The following PRUNE2 variants were observed in gnomAD, a reference collection of about 807,000 sequenced individuals.
PRUNE2 encodes protein prune homolog 2.
In PRUNE2, 164 loss-of-function variants were observed where a neutral mutation model predicts 252.0. The observed-to-expected ratio is 0.65, with a 90% CI of 0.57 to 0.74. The LOEUF is 0.74. Among genes scored for constraint, PRUNE2 ranks in the 30% least tolerant of loss-of-function variants. The probability of loss-of-function intolerance (pLI) is 0.00; values close to 1 mark genes in which losing one functional copy is unlikely to be tolerated. For synonymous variants in PRUNE2, 1,292 were observed against 1,350.2 expected (o/e 0.96, Z 0.94); for missense variants, 3,495 against 3,711.0 (o/e 0.94, Z 1.51).
At chr9:76,832,058 A>G (rs1041914376) in intron 4 of PRUNE2, among the ~76,000 whole-genome samples, 4 of 152,206 alleles carry the variant, frequency 2.6e-5, no homozygotes, top group African/African-American at 7.2e-5. Flanking sequence ...AATCCTCTGG[A>G]AGATACATCA....
Position 76,710,891 on chromosome 9 carries a change from G to T in PRUNE2, c.1383C>A (p.Thr461=). 1 of 1,546,220 alleles carries T rather than the reference G, an allele frequency of 6.5e-7. No individual in the cohort carries two copies. The stretch of plus-strand genomic sequence containing the variant: ...TGTAGGAGTCAAGCCCTGGGAGAAG[G>T]GTGTGGTGAGGCCCAGCACCTTCTC... ...PVGEGAGPHH[T]LLPGLDSYSP... Residue 461 remains threonine, a synonymous_variant, in exon 8 of 19, where the codon ACC becomes ACA. Coordinates refer to ENST00000376718, the MANE Select transcript of PRUNE2 (RefSeq NM_015225.3).
chr9:76,638,266 A>G lies in PRUNE2; in HGVS notation c.8751T>C (p.Asn2917=), dbSNP rs930853704. 2 of 1,613,652 alleles carry G rather than the reference A, an allele frequency of 1.2e-6. No individual in the cohort carries two copies. Among genetic ancestry groups the G allele is most frequent in the South Asian group, 1.1e-5 (1 of 91,076 alleles). ...SHGGYYGDGL[N]AIIVFAACFL... is the part of the protein sequence containing the mutation. ...AACAGGCGGCAAACACAATGATGGC[A>G]TTTAGACCGTCCCCATAGTATCCTG... Residue 2917 remains asparagine (N), a synonymous_variant, in exon 13 of 19, where the codon AAT becomes AAC. Coordinates refer to ENST00000376718, the MANE Select transcript of PRUNE2 (RefSeq NM_015225.3).
At chr9:76,872,082 C>A (rs1173127798) in intron 1 of PRUNE2, among the ~76,000 whole-genome samples, 1 of 152,150 alleles carries the variant, frequency 6.6e-6, no homozygotes, top group Admixed American at 6.5e-5. Flanking sequence ...CCATGCCAAA[C>A]CCACAAGAGT....
intron 9 of PRUNE2, among the ~76,000 whole-genome samples, chr9:76,696,549 C>CCGAGTA (rs1381150727): frequency 6.6e-6 from 1 of 152,164 alleles, no homozygotes; most frequent in Non-Finnish European, 1.5e-5. Flanking sequence ...CCTCAGTCTC[C>CCGAGTA]CGAGTAGCTG....
chr9:76,798,047 T>C (rs564961511), intron 6 of PRUNE2, among the ~76,000 whole-genome samples: 5 of 152,296 alleles, frequency 3.3e-5, no homozygotes, highest in African/African-American at 1.2e-4. Context: ...TTTTCTCCCC[T>C]CTCCCATGAT....
At chr9:76,840,280 G>C (rs1360408530) in intron 4 of PRUNE2, among the ~76,000 whole-genome samples, 1 of 152,152 alleles carries the variant, frequency 6.6e-6, no homozygotes, top group African/African-American at 2.4e-5. Flanking sequence ...GGAACACATT[G>C]AAAGTGACCT....
At chr9:76,617,014 G>GA (rs996639362) in intron 18 of PRUNE2, among the ~76,000 whole-genome samples, 12 of 151,022 alleles carry the variant, frequency 7.9e-5, no homozygotes, top group Non-Finnish European at 1.6e-4. Context: ...ATCCTTTTTG[G>GA]AAAAAAGAAT....
intron 6 of PRUNE2, chr9:76,787,363 G>C (rs1344204625): frequency 6.6e-6 from 1 of 150,716 alleles, no homozygotes; most frequent in Admixed American, 6.6e-5. Context: ...TATTTTTATT[G>C]CTGACTTTTA....
At chr9:76,649,507 G>A (rs965918138) in intron 11 of PRUNE2, among the ~76,000 whole-genome samples, 1 of 152,118 alleles carries the variant, frequency 6.6e-6, no homozygotes, top group Non-Finnish European at 1.5e-5. Context: ...GGTCACCTGA[G>A]CCTGGGTGGT....
At chr9:76,644,965 C>G (rs2132968616) in intron 11 of PRUNE2, 56 bp from the exon 12 acceptor site, 1 of 1,506,332 alleles carries the variant, frequency 6.6e-7, no homozygotes, top group East Asian at 2.3e-5. Flanking sequence ...CACAGTGCAG[C>G]TAAACAGCCA....
chr9:76,817,476 G>C (rs558486707), intron 6 of PRUNE2, among the ~76,000 whole-genome samples: 1 of 152,266 alleles, frequency 6.6e-6, no homozygotes, highest in East Asian at 1.9e-4. Flanking sequence ...ATGTGACCAT[G>C]TGACTGAGCC....
chr9:76,895,877 G>T (rs1970609), intron 1 of PRUNE2, among the ~76,000 whole-genome samples: 1 of 151,870 alleles, frequency 6.6e-6, no homozygotes, highest in East Asian at 1.9e-4. Context: ...TCTGCCTCCC[G>T]GGTTCAAGTG....
chr9:76,710,757 G>C lies in PRUNE2; in HGVS notation c.1517C>G (p.Ser506Cys), dbSNP rs1477809814. 3.7e-6 allele frequency: 6 copies of C among 1,610,244 alleles called. No individual in the cohort carries two copies. The highest frequency in any genetic ancestry group is 5.1e-6 in the Non-Finnish European group (6 of 1,178,280). Residue 506 changes from serine (S) to cysteine (C), a missense_variant, in exon 8 of 19, where the codon TCC becomes TGC. Ser to Cys is a moderately radical substitution (Grantham distance 112, BLOSUM62 -1). Coordinates refer to ENST00000376718, the MANE Select transcript of PRUNE2 (RefSeq NM_015225.3). ...GTCTGCAGAATGAGAAGATTGCTGG[G>C]ACTGCCCAGAAGCCATGGGTGCTGG... ...FDPAPMASGQSQQSSHSADYS... is the reference protein window; with the variant it reads ...FDPAPMASGQCQQSSHSADYS...
chr9:76,823,767 G>A (rs370608610), intron 5 of PRUNE2, 41 bp from the exon 6 acceptor site: 2 of 1,281,696 alleles, frequency 1.6e-6, no homozygotes, highest in Non-Finnish European at 2.2e-6. Flanking sequence ...TTATACTTGA[G>A]GGATTTTTTT....
rs1198322038 is a variant in PRUNE2, at chr9:76,708,647, C to T, written c.3627G>A (p.Glu1209=). 1 of 1,613,852 alleles carries T rather than the reference C, an allele frequency of 6.2e-7. No individual in the cohort carries two copies. The highest frequency in any genetic ancestry group is 2.2e-5 in the East Asian group (1 of 44,886). ...TGTTTGCAATTAGCTGCCCACTTTT[C>T]TCATTCAATGTGTGATGTTCACTGG... is the stretch of plus-strand genomic sequence containing the variant. ...SAPSEHHTLN[E]KSGQLIANSI... is the part of the protein sequence containing the mutation. The change falls in exon 8 of 19, where the codon GAG becomes GAA. Residue 1209 remains glutamate, a synonymous_variant. Transcript: ENST00000376718.
At chr9:76,616,384 C>G (rs936612250) in intron 18 of PRUNE2, among the ~76,000 whole-genome samples, 2 of 152,176 alleles carry the variant, frequency 1.3e-5, no homozygotes, top group Non-Finnish European at 2.9e-5. Context: ...CTTTCTCTCA[C>G]GGTGTTGGTT....
At chr9:76,864,308 G>T (rs1049911353) in intron 1 of PRUNE2, among the ~76,000 whole-genome samples, 18 of 152,262 alleles carry the variant, frequency 1.2e-4, no homozygotes, top group African/African-American at 4.1e-4. Context: ...GGGGTAGCAG[G>T]AAGGAGGGTG....
intron 9 of PRUNE2, among the ~76,000 whole-genome samples, chr9:76,697,267 C>T (rs977768645): frequency 8.5e-5 from 13 of 152,210 alleles, no homozygotes; most frequent in East Asian, 5.8e-4. Context: ...GTTCCTCCCA[C>T]GGGGAAACAG....
chr9:76,837,834 C>G (rs939234282), intron 4 of PRUNE2, among the ~76,000 whole-genome samples: 3 of 149,496 alleles, frequency 2.0e-5, no homozygotes, highest in South Asian at 4.2e-4. Context: ...TGCAGTGGCG[C>G]AATCTCGGCT....
Sources: gnomAD v4.1 joint callset for allele counts (sites outside exome capture counted in the v4.1 genomes callset) on GRCh38, gnomAD v4.1.1 for gene constraint, MANE v1.5 for transcripts, NCBI Gene and HGNC (gene_info 2026-07-23, HGNC 2026-07-21) for gene names.